The following ITGB1 variants were observed in gnomAD, a reference collection of about 807,000 sequenced individuals.
The protein encoded by ITGB1 is integrin subunit beta 1.
Under a neutral mutation model 86.5 loss-of-function variants are expected in ITGB1, and 24 were observed. That is an observed-to-expected ratio of 0.28 (90% CI 0.20 to 0.39). ITGB1 has a LOEUF of 0.39. Among genes scored for constraint, ITGB1 ranks in the 10% least tolerant of loss-of-function variants. The probability of loss-of-function intolerance (pLI) is 1.00; values close to 1 mark genes in which losing one functional copy is unlikely to be tolerated. For missense variants in ITGB1, 556 were observed against 946.9 expected (o/e 0.59, Z 5.42); for synonymous variants, 323 against 316.8 (o/e 1.02, Z -0.21).
chr10:32,930,010 C>T lies in ITGB1; in HGVS notation c.188G>A (p.Arg63Gln), dbSNP rs1295663223. ...FLQEGMPTSA[R>Q]CDDLEALKKK... ...TTTTAAGGCTTCTAAATCATCACAT[C>T]GTGCAGAAGTAGGCATTCCTTCCTG... Residue 63 changes from arginine (R) to glutamine (Q), a missense_variant, in exon 4 of 16, where the codon CGA (arginine) becomes CAA (glutamine). Arg to Gln is a conservative substitution (Grantham distance 43, BLOSUM62 1). Around this residue, in one of 4 missense-constraint regions of ITGB1, gnomAD observed 183 missense variants for 263.9 expected, o/e 0.69. Transcript: ENST00000302278. 2.1e-6 allele frequency: 2 copies of T among 940,082 alleles called. No individual in the cohort carries two copies. The highest frequency in any genetic ancestry group is 2.4e-5 in the East Asian group (1 of 41,998). The allele number at this position is 940,082 out of a possible 1,614,324, so 58.2% of individuals were successfully genotyped here.
At chr10:32,932,472 T>C in intron 3 of ITGB1, 43 bp downstream of exon 3, 2 of 1,082,710 alleles carry the variant, frequency 1.8e-6, no homozygotes, top group Non-Finnish European at 2.9e-6. Flanking sequence ...CCACACTAAA[T>C]GACCAGAGAA....
chr10:32,918,172 C>T (rs1307475962), intron 11 of ITGB1, among the ~76,000 whole-genome samples: 8 of 152,092 alleles, frequency 5.3e-5, no homozygotes, highest in Non-Finnish European at 5.9e-5. Context: ...GGGTGGGGAA[C>T]ATCACACACT....
intron 1 of ITGB1, among the ~76,000 whole-genome samples, chr10:32,938,597 C>T (rs183342107): frequency 5.8e-4 from 88 of 152,292 alleles, no homozygotes; most frequent in Admixed American, 1.7e-3. Flanking sequence ...CTTGTGCCTC[C>T]GGAAGAGCTC....
chr10:32,908,687 T>G (rs1300211228), intron 14 of ITGB1, among the ~76,000 whole-genome samples, 153 bp from the exon 15 acceptor site: 1 of 152,194 alleles, frequency 6.6e-6, no homozygotes, highest in Non-Finnish European at 1.5e-5. Flanking sequence ...TTTACAAGGT[T>G]GCAGGATACA....
chr10:32,940,500 T>C (rs573832910), intron 1 of ITGB1, among the ~76,000 whole-genome samples: 1 of 151,390 alleles, frequency 6.6e-6, no homozygotes, highest in African/African-American at 2.4e-5. Context: ...ACCACAAACA[T>C]GTGAGTAATG....
intron 1 of ITGB1, among the ~76,000 whole-genome samples, chr10:32,955,962 G>T (rs916277850): frequency 6.6e-6 from 1 of 152,168 alleles, no homozygotes; most frequent in African/African-American, 2.4e-5. Context: ...ACACAGACGA[G>T]TTAAACAATC....
chr10:32,914,196 G>T (rs930738381), intron 11 of ITGB1, among the ~76,000 whole-genome samples: 8 of 152,160 alleles, frequency 5.3e-5, no homozygotes, highest in African/African-American at 1.9e-4. Context: ...ACTGGTACCA[G>T]CCACTGCAAA....
At chr10:32,929,352 T>C (rs897028894) in intron 4 of ITGB1, among the ~76,000 whole-genome samples, 2 of 152,154 alleles carry the variant, frequency 1.3e-5, no homozygotes, top group African/African-American at 4.8e-5. Flanking sequence ...ACCATTCTCC[T>C]GACAAGAAAG....
chr10:32,944,398 G>A (rs1278890964), intron 1 of ITGB1: 1 of 297,680 alleles, frequency 3.4e-6, no homozygotes, highest in Non-Finnish European at 6.5e-6. Context: ...GTCTGTAAAG[G>A]GGCGTCTACG....
At position 32,947,432 on chromosome 10, in the gene ITGB1, C is replaced by T. The variant is rs200310969; in HGVS notation, c.-1+10713G>A. On this transcript the variant is annotated intron_variant, in intron 1 of 15. Transcript: ENST00000302278. ...TAAAGCCAGGTGATTCACATATAGC[C>T]GTGTGTGTGTGTGTGTGTGTGTGTG... 1.1e-4 allele frequency among the ~76,000 whole-genome samples: 15 copies of T among 137,372 alleles called. No individual in the cohort carries two copies. The South Asian group carries it at 3.0e-3, about 28-fold the overall frequency. The allele number at this position is 137,372 out of a possible 152,430, so 90.1% of individuals were successfully genotyped here. A position where few individuals can be genotyped will look rare whatever the true frequency, so the allele number is the denominator to read the frequency against.
intron 1 of ITGB1, among the ~76,000 whole-genome samples, chr10:32,953,263 T>C (rs2095046046): frequency 6.6e-6 from 1 of 152,236 alleles, no homozygotes. Context: ...TACAGTACAT[T>C]GTATAAAACA....
intron 7 of ITGB1, 24 bp downstream of exon 7, chr10:32,923,561 C>A: frequency 6.3e-7 from 1 of 1,584,952 alleles, no homozygotes; most frequent in Non-Finnish European, 8.6e-7. Context: ...AACACATTCA[C>A]TATGTAAGGA....
rs2094998351 is a variant in ITGB1 at position 32,935,478 on chromosome 10, T to C, written c.67+14A>G. ...GGAAATGAAAAGACAACTAAGAAAA[T>C]TTTTTGTTTTTACCTGTTTGAGCAA... On this transcript the variant is annotated intron_variant, in intron 2 of 15. Transcript: ENST00000302278. The C allele has an allele frequency of 6.3e-7, 1 of 1,588,386 alleles. No individual in the cohort carries two copies. The highest frequency in any genetic ancestry group is 8.6e-7 in the Non-Finnish European group (1 of 1,157,044).
At chr10:32,911,146 A>G (rs552777074) in intron 13 of ITGB1, among the ~76,000 whole-genome samples, 1 of 152,376 alleles carries the variant, frequency 6.6e-6, no homozygotes, top group East Asian at 1.9e-4. Context: ...AGAAATTGGT[A>G]ATGACAAATT....
intron 11 of ITGB1, among the ~76,000 whole-genome samples, chr10:32,916,619 G>C (rs1168849100): frequency 1.3e-5 from 2 of 152,012 alleles, no homozygotes; most frequent in Non-Finnish European, 2.9e-5. Flanking sequence ...AAATACCTAG[G>C]AATACAACCT....
intron 1 of ITGB1, among the ~76,000 whole-genome samples, chr10:32,939,984 A>G (rs1382466383): frequency 6.6e-6 from 1 of 152,112 alleles, no homozygotes; most frequent in Admixed American, 6.5e-5. Context: ...CTTCTTCGGG[A>G]CCACTTCCTG....
chr10:32,957,777 G>A, intron 1 of ITGB1: 1 of 152,262 alleles, frequency 6.6e-6, no homozygotes, highest in South Asian at 2.1e-4. Context: ...GCCCAGCCCG[G>A]CGGGAGACCG....
Position 32,901,561 on chromosome 10 carries a change from G to A in ITGB1, c.*9C>T, listed in dbSNP as rs201730357. 3.3e-5 allele frequency: 51 copies of A among 1,544,116 alleles called. No homozygotes were observed. Among genetic ancestry groups the A allele is most frequent in the Middle Eastern group, 1.8e-4 (1 of 5,616 alleles). On this transcript the variant is annotated 3_prime_UTR_variant, in exon 16 of 16. Transcript: ENST00000302278. The stretch of plus-strand genomic sequence containing the variant: ...GCATTCAGTGTTGTGGGATTTGCAC[G>A]GGCAGTACTCATTTTCCCTCATACT...
At chr10:32,903,318 C>T (rs900012332) in intron 15 of ITGB1, among the ~76,000 whole-genome samples, 15 of 129,134 alleles carry the variant, frequency 1.2e-4, no homozygotes, top group African/African-American at 4.2e-4. Context: ...CACCACTGCA[C>T]TCCAGACTGG....
Sources: allele counts gnomAD v4.1 joint callset (sites outside exome capture counted in the v4.1 genomes callset), GRCh38; gene constraint gnomAD v4.1.1; regional missense constraint gnomAD v4.1.1; transcripts MANE v1.5; gene names NCBI Gene and HGNC (gene_info 2026-07-23, HGNC 2026-07-21).